CATSPERG: variants seen among roughly 807,000 people sequenced by gnomAD.
The protein encoded by CATSPERG is cation channel sperm-associated auxiliary subunit gamma.
Under a neutral mutation model 145.0 loss-of-function variants are expected in CATSPERG, and 115 were observed. The ratio of observed to expected loss-of-function variants is 0.79; its 90% confidence interval spans 0.68 to 0.93. The LOEUF (loss-of-function observed/expected upper bound fraction) is 0.93, where lower values mean the gene tolerates loss of function less well. CATSPERG is among the 40% of genes least tolerant of loss of function. The pLI is 0.00. For synonymous variants in CATSPERG, 588 were observed against 589.0 expected, an observed-to-expected ratio of 1.00 and a Z score of 0.02; for missense variants, 1,296 against 1,490.1, an observed-to-expected ratio of 0.87 and a Z score of 2.14.
At position 38,357,706 on chromosome 19, in the gene CATSPERG, C is replaced by T. The variant is rs1195299730; in HGVS notation, c.1316-572C>T. Among the ~76,000 whole-genome samples the T allele has an allele frequency of 3.3e-5, 5 of 152,306 alleles. No individual in the cohort carries two copies. The East Asian group carries it at 5.8e-4, about 18-fold the overall frequency. On this transcript the variant is annotated intron_variant, in intron 11 of 28. Coordinates refer to ENST00000409235, the MANE Select transcript of CATSPERG (RefSeq NM_021185.5). ...GCGGCTCACGCCTGTAATCCCAGCA[C>T]TCTGGGAGGCCGAGGCGGGGGGATC...
intron 20 of CATSPERG, among the ~76,000 whole-genome samples, chr19:38,364,335 G>A (rs1011039636): frequency 3.3e-5 from 5 of 151,824 alleles, no homozygotes; most frequent in African/African-American, 1.2e-4. Flanking sequence ...GGTCGCGACC[G>A]GACAGAGGCG....
At chr19:38,353,356 G>A (rs1290840644) in intron 8 of CATSPERG, among the ~76,000 whole-genome samples, 2 of 150,882 alleles carry the variant, frequency 1.3e-5, no homozygotes, top group Non-Finnish European at 3.0e-5. Flanking sequence ...AGGAAAAAGC[G>A]AGAGAGATGA....
chr19:38,346,413 G>T (rs1416685309), intron 6 of CATSPERG, 37 bp from the exon 7 acceptor site: 1 of 1,496,522 alleles, frequency 6.7e-7, no homozygotes, highest in Non-Finnish European at 9.0e-7. Context: ...AGGAGAGTGG[G>T]GAGAGTGTTG....
chr19:38,366,842 C>T, intron 22 of CATSPERG: 1 of 288,428 alleles, frequency 3.5e-6, no homozygotes, highest in South Asian at 5.0e-5. Flanking sequence ...AGGCATGCAC[C>T]ACCACACACC....
chr19:38,360,994 G>T, intron 16 of CATSPERG, 151 bp downstream of exon 16: 1 of 677,482 alleles, frequency 1.5e-6, no homozygotes. Flanking sequence ...GAAGCTCAGA[G>T]GAGGAGCCCA....
chr19:38,352,326 C>G lies in CATSPERG; in HGVS notation c.891C>G (p.Ile297Met). The change falls in exon 8 of 29, where the codon ATC becomes ATG. Residue 297 changes from isoleucine (I) to methionine (M), a missense_variant. Coordinates refer to ENST00000409235, the MANE Select transcript of CATSPERG (RefSeq NM_021185.5). The part of the protein sequence containing the change: ...YCPHSGFTAT[I>M]YDTIATESTL... ...CCCATTCTGGCTTCACAGCCACCAT[C>G]TATGACACTATTGCCACCGAGAGCA... The G allele has an allele frequency of 6.5e-7, 1 of 1,550,384 alleles. No individual in the cohort carries two copies. The highest frequency in any genetic ancestry group is 8.7e-7 in the Non-Finnish European group (1 of 1,146,726).
At chr19:38,361,046 G>A (rs1342692549) in intron 16 of CATSPERG, among the ~76,000 whole-genome samples, 1 of 152,202 alleles carries the variant, frequency 6.6e-6, no homozygotes, top group East Asian at 1.9e-4. Context: ...CTTCAAGGAG[G>A]AGGAGGTGTA....
At chr19:38,359,146 G>C (rs968385293) in intron 13 of CATSPERG, among the ~76,000 whole-genome samples, 2 of 151,860 alleles carry the variant, frequency 1.3e-5, no homozygotes, top group African/African-American at 4.8e-5. Context: ...CACCATGCCC[G>C]GCTAATTGAC....
chr19:38,363,509 T>TA (rs1555737877), intron 20 of CATSPERG, among the ~76,000 whole-genome samples: 17 of 137,918 alleles, frequency 1.2e-4, no homozygotes, highest in East Asian at 2.1e-4. Flanking sequence ...TTTTTTTTTT[T>TA]ATTGATCATT....
At chr19:38,352,595 C>CTTTTT (rs576701757) in intron 8 of CATSPERG, 163 bp downstream of exon 8, 61 of 314,500 alleles carry the variant, frequency 1.9e-4, no homozygotes, top group Admixed American at 2.6e-4. Context: ...TTGCCTTGCC[C>CTTTTT]TTTTTTTTTT....
chr19:38,365,095 C>T lies in CATSPERG; in HGVS notation c.2591C>T (p.Thr864Ile). ...VGSSGLCFQE[T>I]HLGPHMQGNL... ...TCATCCGGGCTCTGCTTCCAGGAAA[C>T]ACACCTGGGGCCCCATATGCAAGTA... Residue 864 changes from threonine (T) to isoleucine (I), a missense_variant, in exon 22 of 29, where the codon ACA (threonine) becomes ATA (isoleucine). Transcript: ENST00000409235. 6.2e-7 allele frequency: 1 copy of T among 1,613,804 alleles called. No homozygotes were observed.
At chr19:38,361,882 G>A in intron 17 of CATSPERG, 21 bp downstream of exon 17, 1 of 1,585,454 alleles carries the variant, frequency 6.3e-7, no homozygotes, top group Non-Finnish European at 8.6e-7. Flanking sequence ...GGCGGCGGGC[G>A]GGCAGGCCTG....
intron 6 of CATSPERG, 141 bp from the exon 7 acceptor site, chr19:38,346,309 T>G (rs915262279): frequency 3.0e-6 from 2 of 665,142 alleles, no homozygotes; most frequent in African/African-American, 1.9e-5. Flanking sequence ...AGGGGGAGAA[T>G]GGTAAGGAAT....
rs562724334 is a variant in CATSPERG, at chr19:38,369,469, C to T, written c.3021-503C>T. On this transcript the variant is annotated intron_variant, in intron 26 of 28. Transcript: ENST00000409235. The stretch of plus-strand genomic sequence containing the variant: ...AGAGACGGGGTTTCACCATATTGGT[C>T]AGTCTGGTCTTGAACTCCTGACCTC... The T allele has an allele frequency of 1.5e-5, 3 of 206,196 alleles. No individual in the cohort carries two copies. The South Asian group carries it at 2.1e-4, about 14-fold the overall frequency. The allele number at this position is 206,196 out of a possible 1,614,324, so 12.8% of individuals were successfully genotyped here.
intron 7 of CATSPERG, among the ~76,000 whole-genome samples, chr19:38,350,137 T>C (rs750422238): frequency 1.3e-5 from 2 of 152,180 alleles, no homozygotes; most frequent in South Asian, 2.1e-4. Context: ...TCACTTCCAC[T>C]GACATTCCAC....
chr19:38,344,482 C>A, intron 6 of CATSPERG, 114 bp downstream of exon 6: 2 of 868,360 alleles, frequency 2.3e-6, no homozygotes, highest in Non-Finnish European at 3.8e-6. Context: ...TCATGCCAGG[C>A]CCCACATGAA....
intron 7 of CATSPERG, chr19:38,349,560 G>A (rs1326280786): frequency 6.6e-6 from 1 of 152,254 alleles, no homozygotes; most frequent in East Asian, 1.9e-4. Flanking sequence ...TCCTCCCCTG[G>A]CTCATGGTTG....
intron 7 of CATSPERG, among the ~76,000 whole-genome samples, chr19:38,351,530 C>A (rs1331522709): frequency 2.0e-5 from 3 of 151,916 alleles, no homozygotes; most frequent in Non-Finnish European, 2.9e-5. Flanking sequence ...ATGGCGTGAA[C>A]CCGGGAGGCG....
At position 38,362,471 on chromosome 19, in the gene CATSPERG, G is replaced by C. The variant is rs758315764; in HGVS notation, c.2253G>C (p.Ala751=). The change falls in exon 19 of 29, where the codon GCG becomes GCC. Residue 751 remains alanine, a synonymous_variant. Transcript: ENST00000409235. ...AAAAGATCTACAACCTCGAGTCCGC[G>C]TACGAGCTGCCGGAGCGCATTTTCC... The part of the protein sequence containing the change: ...SYEKIYNLES[A]YELPERIFLD... 1.1e-5 allele frequency: 17 copies of C among 1,613,842 alleles called. No homozygotes were observed. In the East Asian group the frequency reaches 2.0e-4, roughly 19 times the overall value.
Sources: gnomAD v4.1 joint callset for allele counts (sites outside exome capture counted in the v4.1 genomes callset) on GRCh38, gnomAD v4.1.1 for gene constraint, MANE v1.5 for transcripts, NCBI Gene and HGNC (gene_info 2026-07-23, HGNC 2026-07-21) for gene names.